NRG3: variants seen among roughly 807,000 people sequenced by gnomAD.
NRG3 encodes pro-neuregulin-3, membrane-bound isoform.
In NRG3, 31 loss-of-function variants were observed where a neutral mutation model predicts 66.9. The observed-to-expected ratio is 0.46, with a 90% CI of 0.35 to 0.63. The LOEUF is 0.63. NRG3 is among the 20% of genes least tolerant of loss of function. NRG3 has a pLI of 0.00. For missense variants in NRG3, 910 were observed against 878.9 expected (o/e 1.04, Z -0.45); for synonymous variants, 393 against 359.4 (o/e 1.09, Z -1.06).
rs1464451323 is a variant in NRG3 at position 81,954,374 on chromosome 10, GAAGTT to G, written c.823+78213_823+78217del. Among the ~76,000 whole-genome samples the G allele has an allele frequency of 5.3e-5, 8 of 152,244 alleles. No homozygotes were observed. In the East Asian group the frequency reaches 7.7e-4, roughly 15 times the overall value. ...TGTCCTTTTTTAATCTCATGGAAGT[GAAGTT>G]ATTTTCTTTCTTTGATTGCATGCAA... is the stretch of plus-strand genomic sequence containing the variant. On this transcript the variant is annotated intron_variant, in intron 1 of 8. Transcript: ENST00000372141.
chr10:82,361,668 T>C (rs1326370156), intron 2 of NRG3, among the ~76,000 whole-genome samples: 1 of 152,118 alleles, frequency 6.6e-6, no homozygotes, highest in East Asian at 1.9e-4. Context: ...TTGTAATGTG[T>C]TTGGAGTAAG....
At chr10:82,088,739 G>C (rs1364290445) in intron 1 of NRG3, among the ~76,000 whole-genome samples, 2 of 152,052 alleles carry the variant, frequency 1.3e-5, no homozygotes, top group Non-Finnish European at 2.9e-5. Flanking sequence ...GAAGTAGGGA[G>C]CTGTGACTGG....
intron 1 of NRG3, among the ~76,000 whole-genome samples, chr10:82,351,392 A>G (rs771847303): frequency 2.6e-5 from 4 of 152,238 alleles, no homozygotes; most frequent in South Asian, 2.1e-4. Context: ...TCACATTTCA[A>G]TTAGAAAATT....
At chr10:82,342,102 T>C (rs1162498126) in intron 1 of NRG3, among the ~76,000 whole-genome samples, 1 of 151,664 alleles carries the variant, frequency 6.6e-6, no homozygotes, top group Non-Finnish European at 1.5e-5. Context: ...CTATATGATA[T>C]ATATATATGG....
intron 1 of NRG3, among the ~76,000 whole-genome samples, chr10:82,262,700 G>A (rs2134219062): frequency 6.6e-6 from 1 of 152,254 alleles, no homozygotes; most frequent in East Asian, 1.9e-4. Flanking sequence ...GTCATAGGTG[G>A]GGATATTTTA....
chr10:81,967,773 T>C (rs1180992494), intron 1 of NRG3, among the ~76,000 whole-genome samples: 1 of 152,132 alleles, frequency 6.6e-6, no homozygotes, highest in Non-Finnish European at 1.5e-5. Flanking sequence ...TGGAATAGCT[T>C]TCTTTGTCTT....
intron 3 of NRG3, among the ~76,000 whole-genome samples, chr10:82,746,690 C>T (rs1050924029): frequency 7.2e-5 from 11 of 152,150 alleles, no homozygotes; most frequent in African/African-American, 2.2e-4. Context: ...TTGTCTCACA[C>T]TTCATTATCT....
At chr10:82,199,894 G>A (rs1274142137) in intron 1 of NRG3, among the ~76,000 whole-genome samples, 3 of 22,442 alleles carry the variant, frequency 1.3e-4, no homozygotes, top group African/African-American at 3.4e-4. Flanking sequence ...GTGTGCGTGT[G>A]TGTGTGTGTG....
chr10:82,320,939 A>C (rs2081537482), intron 1 of NRG3, among the ~76,000 whole-genome samples: 1 of 152,102 alleles, frequency 6.6e-6, no homozygotes, highest in Admixed American at 6.5e-5. Flanking sequence ...CCAGCTCCTC[A>C]TCCATTCTGC....
At chr10:82,518,922 A>C (rs920651799) in intron 2 of NRG3, among the ~76,000 whole-genome samples, 1 of 152,206 alleles carries the variant, frequency 6.6e-6, no homozygotes, top group South Asian at 2.1e-4. Flanking sequence ...TTTGATAATG[A>C]AGCCAGCTCA....
chr10:82,419,446 A>G (rs1472373974), intron 2 of NRG3, among the ~76,000 whole-genome samples: 1 of 152,170 alleles, frequency 6.6e-6, no homozygotes, highest in Non-Finnish European at 1.5e-5. Flanking sequence ...CTCGTTTTAT[A>G]AAGGTTGTCT....
intron 1 of NRG3, among the ~76,000 whole-genome samples, chr10:82,272,181 C>T (rs968857759): frequency 6.6e-6 from 1 of 151,848 alleles, no homozygotes; most frequent in Non-Finnish European, 1.5e-5. Context: ...GAGCTTTGGC[C>T]ACATTTGAAT....
intron 1 of NRG3, among the ~76,000 whole-genome samples, chr10:82,087,836 G>T (rs1590061590): frequency 6.6e-6 from 1 of 152,114 alleles, no homozygotes; most frequent in African/African-American, 2.4e-5. Flanking sequence ...GTCCACTCCA[G>T]GTCTCAGCCT....
chr10:82,235,734 T>C (rs756099147), intron 1 of NRG3, among the ~76,000 whole-genome samples: 1 of 152,120 alleles, frequency 6.6e-6, no homozygotes, highest in African/African-American at 2.4e-5. Context: ...GTAAAGAAAA[T>C]TGTATTTTGA....
intron 1 of NRG3, among the ~76,000 whole-genome samples, chr10:81,885,946 C>T (rs1201837703): frequency 6.6e-6 from 1 of 152,124 alleles, no homozygotes; most frequent in East Asian, 1.9e-4. Flanking sequence ...GATAGCTTGA[C>T]TGAATTCTAT....
intron 1 of NRG3, among the ~76,000 whole-genome samples, chr10:81,970,402 C>T (rs1216977757): frequency 6.6e-6 from 1 of 152,140 alleles, no homozygotes; most frequent in Non-Finnish European, 1.5e-5. Context: ...TTCATTTCAA[C>T]CAGGTTTATA....
At chr10:82,800,509 G>A (rs2060992251) in intron 3 of NRG3, among the ~76,000 whole-genome samples, 2 of 152,084 alleles carry the variant, frequency 1.3e-5, no homozygotes, top group African/African-American at 2.4e-5. Context: ...GTAATTTACT[G>A]TGCTGAATGT....
At chr10:82,192,386 T>C (rs2074197139) in intron 1 of NRG3, among the ~76,000 whole-genome samples, 1 of 152,190 alleles carries the variant, frequency 6.6e-6, no homozygotes, top group African/African-American at 2.4e-5. Flanking sequence ...AGCACTACAC[T>C]CAGAGCTGAA....
At position 82,920,207 on chromosome 10, in the gene NRG3, CTCTAGTTGATAAAGTACTT is replaced by C. The variant is rs1333190389; in HGVS notation, c.1055-31261_1055-31243del. Reference sequence around the variant, plus strand: ...GTACTCTAGTTGATAAAGTACTGTACTCTAGTTGATAAAGTACTTATTTTCCATGGAGATATGGGTTAAC... The same window carrying C: ...GTACTCTAGTTGATAAAGTACTGTACATTTTCCATGGAGATATGGGTTAAC... On this transcript the variant is annotated intron_variant, in intron 4 of 8. Transcript: ENST00000372141. Among the ~76,000 whole-genome samples the C allele has an allele frequency of 2.3e-3, 355 of 151,212 alleles. 2 individuals carry two copies. The highest frequency in any genetic ancestry group is 8.5e-3 in the African/African-American group (344 of 40,618).
Sources: allele counts gnomAD v4.1 joint callset (sites outside exome capture counted in the v4.1 genomes callset), GRCh38; gene constraint gnomAD v4.1.1; transcripts MANE v1.5; gene names NCBI Gene and HGNC (gene_info 2026-07-23, HGNC 2026-07-21).